The following FAM220A variants were observed in gnomAD, a reference collection of about 807,000 sequenced individuals.
FAM220A encodes family with sequence similarity 220 member A.
For synonymous variants in FAM220A, 141 were observed against 130.7 expected, an observed-to-expected ratio of 1.08 and a Z score of -0.54; for missense variants, 392 against 321.6, an observed-to-expected ratio of 1.22 and a Z score of -1.68.
intron 1 of FAM220A, among the ~76,000 whole-genome samples, chr7:6,346,873 G>A (rs148842329): frequency 2.0e-4 from 31 of 152,280 alleles, no homozygotes; most frequent in African/African-American, 6.7e-4. Flanking sequence ...CATTCTGCAC[G>A]CCAGGGAGCA....
chr7:6,336,462 C>G (rs1241834421), intron 1 of FAM220A, among the ~76,000 whole-genome samples: 1 of 152,126 alleles, frequency 6.6e-6, no homozygotes, highest in Non-Finnish European at 1.5e-5. Flanking sequence ...AGGCAGATCT[C>G]TTGAGGTCAG....
chr7:6,341,520 T>TA lies in FAM220A; in HGVS notation c.-82+7052dup, dbSNP rs1173313940. Among the ~76,000 whole-genome samples the TA allele has an allele frequency of 3.4e-5, 5 of 148,304 alleles. No homozygotes were observed. In the South Asian group the frequency reaches 8.5e-4, roughly 25 times the overall value. ...TAACGTGGTGAAACCCTGCCTCTAC[T>TA]AAAAAAAAATTTTTTTTAAATTAGC... On this transcript the variant is annotated intron_variant, in intron 1 of 1. Coordinates refer to ENST00000313324, the MANE Select transcript of FAM220A (RefSeq NM_001037163.2).
intron 1 of FAM220A, among the ~76,000 whole-genome samples, chr7:6,339,774 C>T (rs1425522280): frequency 6.6e-6 from 1 of 151,888 alleles, no homozygotes; most frequent in East Asian, 1.9e-4. Flanking sequence ...CCCAGCCGTA[C>T]CCCTCTCTTA....
chr7:6,341,367 G>A (rs28852438), intron 1 of FAM220A, among the ~76,000 whole-genome samples: 40,121 of 145,738 alleles, frequency 0.28, 5,417 homozygotes, highest in East Asian at 0.32. Flanking sequence ...GGTGTGAACC[G>A]GGAGGCGGAG....
At chr7:6,331,539 G>A (rs1781636660) in intron 1 of FAM220A, among the ~76,000 whole-genome samples, 1 of 151,796 alleles carries the variant, frequency 6.6e-6, no homozygotes, top group African/African-American at 2.4e-5. Flanking sequence ...ATGCCACCAA[G>A]CCCGCTAATT....
chr7:6,348,236 G>GGGT (rs1554260857), intron 1 of FAM220A, among the ~76,000 whole-genome samples: 1 of 151,088 alleles, frequency 6.6e-6, no homozygotes, highest in East Asian at 2.0e-4. Flanking sequence ...AAAATAAGGG[G>GGGT]GGGGGTTGCA....
chr7:6,341,945 C>G (rs1781866339), intron 1 of FAM220A: 1 of 151,748 alleles, frequency 6.6e-6, no homozygotes, highest in Non-Finnish European at 1.5e-5. Flanking sequence ...CTGCAGTGAG[C>G]CAAGATCATA....
chr7:6,347,092 C>T (rs1296447175), intron 1 of FAM220A, among the ~76,000 whole-genome samples: 1 of 152,102 alleles, frequency 6.6e-6, no homozygotes, highest in East Asian at 1.9e-4. Flanking sequence ...TTTGGGAGGG[C>T]AAGGCAGGAG....
chr7:6,343,092 ATTGGCCAGGTGCAGTGGC>A (rs1210295243), intron 1 of FAM220A, among the ~76,000 whole-genome samples: 3 of 150,842 alleles, frequency 2.0e-5, no homozygotes, highest in Non-Finnish European at 4.4e-5. Context: ...AAAAGAAAAA[ATTGGCCAGGTGCAGTGGC>A]TTACACCTGT....
chr7:6,345,819 A>C (rs896447192), intron 1 of FAM220A, among the ~76,000 whole-genome samples: 25 of 151,934 alleles, frequency 1.6e-4, no homozygotes, highest in African/African-American at 5.8e-4. Context: ...CCCAGGCTGG[A>C]GTGCAGTAGG....
intron 1 of FAM220A, among the ~76,000 whole-genome samples, chr7:6,340,377 G>A (rs1406962636): frequency 6.6e-6 from 1 of 152,144 alleles, no homozygotes; most frequent in Non-Finnish European, 1.5e-5. Context: ...TGCGGTGGAG[G>A]ACGGAGAAGC....
intron 1 of FAM220A, among the ~76,000 whole-genome samples, chr7:6,345,149 ACT>A (rs957456588): frequency 5.1e-4 from 78 of 151,812 alleles, no homozygotes; most frequent in African/African-American, 1.8e-3. Context: ...ACAGAGTCTC[ACT>A]CTGTTGCCCA....
chr7:6,336,145 C>A (rs1262624214), intron 1 of FAM220A, among the ~76,000 whole-genome samples: 1 of 149,290 alleles, frequency 6.7e-6, no homozygotes, highest in Non-Finnish European at 1.5e-5. Flanking sequence ...TGCACTCCAG[C>A]CTGGGCAACA....
rs1781614492 is a variant in FAM220A at position 6,330,765 on chromosome 7, C to G, written c.390G>C (p.Trp130Cys). The G allele has an allele frequency of 6.2e-7, 1 of 1,614,050 alleles. No homozygotes were observed. Residue 130 changes from tryptophan to cysteine, a missense_variant, in exon 2 of 2, where the codon TGG becomes TGC. Trp to Cys is a radical substitution (Grantham distance 215). Transcript: ENST00000313324. ...SGVEALGRRD[W>C]LGGGPRATDG... The stretch of plus-strand genomic sequence containing the variant: ...CAGTGGCCCTGGGCCCTCCTCCCAG[C>G]CAGTCTCGCCGCCCCAGAGCTTCAA...
rs1264639289 is a variant in FAM220A at position 6,330,498 on chromosome 7, C to A, written c.657G>T (p.Met219Ile). ...KRIFLDRLKP[M>I]FSKQTIEFKK... ...TGAATTCTATTGTTTGCTTTGAAAA[C>A]ATGGGCTTTAAACGGTCAAGGAAAA... The change falls in exon 2 of 2, where the codon ATG (methionine) becomes ATT (isoleucine). Residue 219 changes from methionine to isoleucine, a missense_variant. Coordinates refer to ENST00000313324, the MANE Select transcript of FAM220A (RefSeq NM_001037163.2). 6.2e-7 allele frequency: 1 copy of A among 1,614,048 alleles called. No individual in the cohort carries two copies. Among genetic ancestry groups the A allele is most frequent in the Non-Finnish European group, 8.5e-7 (1 of 1,180,048 alleles).
At chr7:6,343,309 G>T (rs918920516) in intron 1 of FAM220A, among the ~76,000 whole-genome samples, 2 of 149,490 alleles carry the variant, frequency 1.3e-5, no homozygotes, top group Admixed American at 6.7e-5. Context: ...CCTGGGAAGC[G>T]GAGGTTGCAG....
intron 1 of FAM220A, among the ~76,000 whole-genome samples, chr7:6,342,317 G>A (rs1674395948): frequency 6.6e-6 from 1 of 152,030 alleles, no homozygotes. Flanking sequence ...GGCCGAGGCA[G>A]GTGGATCTCT....
chr7:6,333,309 A>C (rs1040148646), intron 1 of FAM220A, among the ~76,000 whole-genome samples: 2 of 152,168 alleles, frequency 1.3e-5, no homozygotes, highest in African/African-American at 4.8e-5. Context: ...GATTGGAGCC[A>C]GCCGAGAAGC....
chr7:6,344,600 G>A (rs1781923637), intron 1 of FAM220A, among the ~76,000 whole-genome samples: 1 of 151,956 alleles, frequency 6.6e-6, no homozygotes. Flanking sequence ...TGTATTTTTT[G>A]TAGAGACGGA....
Sources: allele counts gnomAD v4.1 joint callset (sites outside exome capture counted in the v4.1 genomes callset), GRCh38; gene constraint gnomAD v4.1.1; transcripts MANE v1.5; gene names NCBI Gene and HGNC (gene_info 2026-07-23, HGNC 2026-07-21).